The following DLC1 variants were observed in gnomAD, a reference collection of about 807,000 sequenced individuals.
The protein encoded by DLC1 is rho GTPase-activating protein 7.
Under a neutral mutation model 140.3 loss-of-function variants are expected in DLC1, and 54 were observed. The observed-to-expected ratio is 0.38, with a 90% CI of 0.31 to 0.48. DLC1 has a LOEUF of 0.48. DLC1 is among the 20% of genes least tolerant of loss of function. DLC1 has a pLI of 0.96. For missense variants in DLC1, 2,536 were observed against 1,907.0 expected (o/e 1.33, Z -6.14); for synonymous variants, 986 against 728.1 (o/e 1.35, Z -5.70).
At chr8:13,308,929 C>G (rs1832562713) in intron 4 of DLC1, among the ~76,000 whole-genome samples, 1 of 152,112 alleles carries the variant, frequency 6.6e-6, no homozygotes, top group Non-Finnish European at 1.5e-5. Flanking sequence ...ATATCTATTT[C>G]TGGGCTCAGA....
intron 5 of DLC1, among the ~76,000 whole-genome samples, chr8:13,278,613 G>A (rs1288018852): frequency 6.6e-6 from 1 of 152,172 alleles, no homozygotes; most frequent in Non-Finnish European, 1.5e-5. Flanking sequence ...ACTCCTCCTA[G>A]GCACTGATCT....
rs914983310 is a variant in DLC1, at chr8:13,510,090, C to G, written c.-126+4512G>C. Among the ~76,000 whole-genome samples, 11 of 151,866 alleles carry G rather than the reference C, an allele frequency of 7.2e-5. No homozygotes were observed. In the South Asian group the frequency reaches 1.2e-3, roughly 17 times the overall value. ...ATCCAGGGCTGAGTATGAGCTGAAA[C>G]TATCTCTTCTATGTCCATGATATTT... On this transcript the variant is annotated intron_variant, in intron 1 of 17. Coordinates refer to ENST00000276297, the MANE Select transcript of DLC1 (RefSeq NM_182643.3).
At chr8:13,276,339 A>G in intron 5 of DLC1, 3 of 1,528,842 alleles carry the variant, frequency 2.0e-6, no homozygotes, top group Non-Finnish European at 2.6e-6. Context: ...GTGATCGCTA[A>G]AGGACCTCCG....
Position 13,312,386 on chromosome 8 carries a change from A to AAAAAAAAAAAATAATAAT in DLC1, c.1315-7085_1315-7084insATTATTATTTTTTTTTTT, listed in dbSNP as rs71207139. Among the ~76,000 whole-genome samples, 31 of 81,704 alleles carry AAAAAAAAAAAATAATAAT rather than the reference A, an allele frequency of 3.8e-4. 2 individuals carry two copies. The highest frequency in any genetic ancestry group is 5.0e-4 in the Non-Finnish European group (20 of 39,904). The allele number at this position is 81,704 out of a possible 152,430, so 53.6% of individuals were successfully genotyped here. ...AAAAAAAAAAAAAAAAAAAAAAAAA[A>AAAAAAAAAAAATAATAAT]AATAATTTCTTTAGCAAGCTAGATA... On this transcript the variant is annotated intron_variant, in intron 4 of 17. Coordinates refer to ENST00000276297, the MANE Select transcript of DLC1 (RefSeq NM_182643.3).
chr8:13,105,180 C>A (rs1363167340), intron 7 of DLC1, among the ~76,000 whole-genome samples: 1 of 152,086 alleles, frequency 6.6e-6, no homozygotes, highest in Non-Finnish European at 1.5e-5. Context: ...CCCAGGAGGC[C>A]AGTTCTATAA....
intron 5 of DLC1, chr8:13,214,509 C>A: frequency 3.0e-6 from 2 of 673,224 alleles, no homozygotes; most frequent in Non-Finnish European, 5.3e-6. Flanking sequence ...GTGAAACTGG[C>A]ATATTGTCAC....
intron 5 of DLC1, among the ~76,000 whole-genome samples, chr8:13,280,566 C>T (rs1030262194): frequency 6.6e-6 from 1 of 152,034 alleles, no homozygotes; most frequent in Non-Finnish European, 1.5e-5. Context: ...GTAATTTTGT[C>T]TGATTTATAC....
chr8:13,401,537 A>T lies in DLC1; in HGVS notation c.1106T>A (p.Ile369Lys), dbSNP rs568418020. The change falls in exon 3 of 18, where the codon ATA (isoleucine) becomes AAA (lysine). Residue 369 changes from isoleucine (I) to lysine (K), a missense_variant. By Grantham distance (102) the Ile-to-Lys change is moderately radical (BLOSUM62 -3). Coordinates refer to ENST00000276297, the MANE Select transcript of DLC1 (RefSeq NM_182643.3). ...GGAGCTGGTGCTGAGGGCATTTTCTATGTCCTGATCAAGCTGGTCCAGTTT... is the reference window on the plus strand; with the variant it reads ...GGAGCTGGTGCTGAGGGCATTTTCTTTGTCCTGATCAAGCTGGTCCAGTTT... ...IMKLDQLDQDIENALSTSSSP... is the reference protein window; with the variant it reads ...IMKLDQLDQDKENALSTSSSP... 1.2e-6 allele frequency: 2 copies of T among 1,613,370 alleles called. No individual in the cohort carries two copies. The highest frequency in any genetic ancestry group is 1.3e-5 in the African/African-American group (1 of 74,994).
chr8:13,531,631 T>A (rs1803101441), intron 1 of DLC1, among the ~76,000 whole-genome samples: 1 of 152,108 alleles, frequency 6.6e-6, no homozygotes, highest in African/African-American at 2.4e-5. Flanking sequence ...TCAATGTTTA[T>A]GAATAATAGT....
chr8:13,296,896 T>C (rs1391475107), intron 5 of DLC1, among the ~76,000 whole-genome samples: 1 of 151,784 alleles, frequency 6.6e-6, no homozygotes, highest in Non-Finnish European at 1.5e-5. Context: ...AAAAGAGAAA[T>C]TGTCATCTAC....
At chr8:13,219,612 G>A (rs913881844) in intron 5 of DLC1, among the ~76,000 whole-genome samples, 4 of 151,412 alleles carry the variant, frequency 2.6e-5, no homozygotes, top group Non-Finnish European at 5.9e-5. Context: ...CTTCAAAAAA[G>A]CCTTCACTAA....
chr8:13,169,296 G>A (rs1223757730), intron 5 of DLC1, among the ~76,000 whole-genome samples: 1 of 152,144 alleles, frequency 6.6e-6, no homozygotes, highest in Non-Finnish European at 1.5e-5. Flanking sequence ...TTTGGAGTTT[G>A]GATATTCAGG....
chr8:13,413,256 A>ACTTTTTTTTTTTTTT (rs1491415150), intron 2 of DLC1, among the ~76,000 whole-genome samples: 7 of 82,006 alleles, frequency 8.5e-5, no homozygotes, highest in Admixed American at 1.4e-4. Context: ...TTTTTTTGCG[A>ACTTTTTTTTTTTTTT]TTTTTTTTTT....
intron 1 of DLC1, among the ~76,000 whole-genome samples, chr8:13,587,001 A>G (rs554324801): frequency 1.1e-4 from 16 of 152,004 alleles, no homozygotes; most frequent in African/African-American, 3.9e-4. Flanking sequence ...TATGCAATAC[A>G]TGTCTAGTAG....
chr8:13,304,954 A>G, intron 5 of DLC1: 4 of 1,030,780 alleles, frequency 3.9e-6, no homozygotes, highest in Middle Eastern at 4.7e-4. Context: ...TTAATAACTA[A>G]TTTCCAAATT....
intron 2 of DLC1, among the ~76,000 whole-genome samples, chr8:13,470,468 C>T (rs1271440013): frequency 1.3e-5 from 2 of 152,156 alleles, no homozygotes; most frequent in Admixed American, 1.3e-4. Context: ...CATGAATAGA[C>T]ATTTCTCCAA....
At position 13,295,938 on chromosome 8, in the gene DLC1, C is replaced by CTTTTTTTT. The variant is rs34697767; in HGVS notation, c.1348+9330_1348+9331insAAAAAAAA. Among the ~76,000 whole-genome samples the CTTTTTTTT allele has an allele frequency of 5.2e-4, 28 of 53,342 alleles. 6 individuals are homozygous for CTTTTTTTT. Among genetic ancestry groups the CTTTTTTTT allele is most frequent in the South Asian group, 1.5e-3 (2 of 1,336 alleles). The allele number at this position is 53,342 out of a possible 152,430, so 35.0% of individuals were successfully genotyped here. A position where few individuals can be genotyped will look rare whatever the true frequency, so the allele number is the denominator to read the frequency against. On this transcript the variant is annotated intron_variant, in intron 5 of 17. Transcript: ENST00000276297. ...ATCTAAGAGATGATCAGATAAGATT[C>CTTTTTTTT]TTTGTTTTTTTTTTTTTTTTTTTTT...
intron 5 of DLC1, among the ~76,000 whole-genome samples, chr8:13,239,034 C>T (rs1475077209): frequency 1.3e-5 from 2 of 152,144 alleles, no homozygotes; most frequent in Non-Finnish European, 2.9e-5. Context: ...AAGTCAGGTT[C>T]TGAATATACA....
In DLC1 at chr8:13,296,880, C is replaced by T. The variant is rs566726018; in HGVS notation, c.1348+8389G>A. Among the ~76,000 whole-genome samples, 10 of 151,846 alleles carry T rather than the reference C, an allele frequency of 6.6e-5. No homozygotes were observed. In the South Asian group the frequency reaches 1.5e-3, roughly 22 times the overall value. On this transcript the variant is annotated intron_variant, in intron 5 of 17. Coordinates refer to ENST00000276297, the MANE Select transcript of DLC1 (RefSeq NM_182643.3). ...GTGGGAGGAAACATTTGAATCAGAA[C>T]ATATTAAAAGAGAAATTGTCATCTA...
Sources: gnomAD v4.1 joint callset for allele counts (sites outside exome capture counted in the v4.1 genomes callset) on GRCh38, gnomAD v4.1.1 for gene constraint, MANE v1.5 for transcripts, NCBI Gene and HGNC (gene_info 2026-07-23, HGNC 2026-07-21) for gene names.